SYK: variants seen among roughly 807,000 people sequenced by gnomAD.
SYK encodes the protein spleen associated tyrosine kinase, also known as tyrosine-protein kinase SYK.
Under a neutral mutation model 77.8 loss-of-function variants are expected in SYK, and 16 were observed. The observed-to-expected ratio is 0.21, with a 90% CI of 0.14 to 0.31. The LOEUF is 0.31. Among genes scored for constraint, SYK ranks in the 10% least tolerant of loss-of-function variants. SYK has a pLI of 1.00. For missense variants in SYK, 529 were observed against 814.4 expected, an observed-to-expected ratio of 0.65 and a Z score of 4.26; for synonymous variants, 312 against 308.7, an observed-to-expected ratio of 1.01 and a Z score of -0.11.
intron 1 of SYK, among the ~76,000 whole-genome samples, chr9:90,813,502 C>A (rs1825173478): frequency 6.6e-6 from 1 of 152,148 alleles, no homozygotes; most frequent in Non-Finnish European, 1.5e-5. Context: ...CAGACCAGGC[C>A]TCGGGGTCTA....
intron 3 of SYK, among the ~76,000 whole-genome samples, chr9:90,858,966 A>G (rs1827148080): frequency 6.6e-6 from 1 of 152,178 alleles, no homozygotes; most frequent in Non-Finnish European, 1.5e-5. Flanking sequence ...AGCCTCAAGG[A>G]AGTGAGGCCT....
chr9:90,844,853 A>G (rs1826523548), intron 2 of SYK, among the ~76,000 whole-genome samples: 1 of 152,252 alleles, frequency 6.6e-6, no homozygotes, highest in African/African-American at 2.4e-5. Context: ...GACCTATCGT[A>G]TACTACACTT....
intron 11 of SYK, among the ~76,000 whole-genome samples, chr9:90,884,607 A>G (rs1259018220): frequency 1.0e-4 from 5 of 49,898 alleles, no homozygotes; most frequent in African/African-American, 4.9e-4. Context: ...ACATGTACAT[A>G]TATACACATA....
At chr9:90,888,988 A>T (rs1424743384) in intron 13 of SYK, among the ~76,000 whole-genome samples, 1 of 152,100 alleles carries the variant, frequency 6.6e-6, no homozygotes, top group Admixed American at 6.5e-5. Context: ...TCGGTAGGGG[A>T]TGGTATACTT....
At chr9:90,843,763 G>T in intron 1 of SYK, 95 bp from the exon 2 acceptor site, 4 of 961,890 alleles carry the variant, frequency 4.2e-6, no homozygotes, top group Non-Finnish European at 5.7e-6. Context: ...AGATGGGAGG[G>T]TTTGTCTCCA....
At chr9:90,865,636 A>G (rs1827456487) in intron 6 of SYK, among the ~76,000 whole-genome samples, 1 of 152,140 alleles carries the variant, frequency 6.6e-6, no homozygotes, top group South Asian at 2.1e-4. Flanking sequence ...CTTCTTGTCT[A>G]GATGAAATTC....
intron 6 of SYK, among the ~76,000 whole-genome samples, chr9:90,866,145 C>T (rs1827485585): frequency 6.6e-6 from 1 of 152,134 alleles, no homozygotes; most frequent in South Asian, 2.1e-4. Context: ...GTGATCTGCC[C>T]GCCTCGGCCT....
rs748720673 is a variant in SYK, at chr9:90,877,758, A to C, written c.1369A>C (p.Asn457His). 3 of 1,614,184 alleles carry C rather than the reference A, an allele frequency of 1.9e-6. No individual in the cohort carries two copies. In the South Asian group the frequency reaches 3.3e-5, roughly 18 times the overall value. The change falls in exon 10 of 14, where the codon AAT becomes CAT. Residue 457 changes from asparagine to histidine, a missense_variant. Around this residue, in one of 2 missense-constraint regions of SYK, gnomAD observed 208 missense variants for 381.3 expected, o/e 0.55. Transcript: ENST00000375754. The stretch of plus-strand genomic sequence containing the variant: ...GGAGATGGCAGAACTTGGTCCCCTC[A>C]ATAAGTATTTGCAGCAGAACAGGTA... ...VMEMAELGPLNKYLQQNRHVK... is the reference protein window; with the variant it reads ...VMEMAELGPLHKYLQQNRHVK...
chr9:90,852,457 T>C (rs1826855946), intron 3 of SYK, among the ~76,000 whole-genome samples: 1 of 152,230 alleles, frequency 6.6e-6, no homozygotes, highest in Non-Finnish European at 1.5e-5. Context: ...TCATTTCATC[T>C]TATAAATGAT....
intron 2 of SYK, among the ~76,000 whole-genome samples, chr9:90,844,731 C>T (rs578062204): frequency 2.6e-5 from 4 of 152,318 alleles, no homozygotes; most frequent in South Asian, 4.1e-4. Context: ...TTGCATCACC[C>T]GTTCTTTGGC....
rs1829005325 is a variant in SYK at position 90,896,799 on chromosome 9, G to A, written c.*1199G>A. 4.6e-6 allele frequency: 1 copy of A among 218,836 alleles called. No homozygotes were observed. The highest frequency in any genetic ancestry group is 9.2e-6 in the Non-Finnish European group (1 of 109,032). The allele number at this position is 218,836 out of a possible 1,614,324, so 13.6% of individuals were successfully genotyped here. On this transcript the variant is annotated 3_prime_UTR_variant, in exon 14 of 14. Coordinates refer to ENST00000375754, the MANE Select transcript of SYK (RefSeq NM_003177.7). ...CTCAGCACTTTAGGAGGCCGAGGCG[G>A]GTGGATCACTTGAGGTAAGGAGTTT...
intron 1 of SYK, among the ~76,000 whole-genome samples, chr9:90,831,956 CGT>C (rs1371320652): frequency 6.6e-6 from 1 of 152,146 alleles, no homozygotes; most frequent in African/African-American, 2.4e-5. Context: ...AGAGAAAATA[CGT>C]GTGTTAGGGA....
chr9:90,890,292 G>C (rs1828737875), intron 13 of SYK, among the ~76,000 whole-genome samples: 1 of 152,142 alleles, frequency 6.6e-6, no homozygotes, highest in Admixed American at 6.5e-5. Flanking sequence ...ATCAGGATAG[G>C]GGCTGCTGGG....
At chr9:90,871,282 A>T (rs1047589404) in intron 7 of SYK, among the ~76,000 whole-genome samples, 2 of 152,210 alleles carry the variant, frequency 1.3e-5, no homozygotes, top group Non-Finnish European at 2.9e-5. Context: ...AAGAAAGTGG[A>T]ATGGTCAACA....
intron 1 of SYK, among the ~76,000 whole-genome samples, chr9:90,802,252 C>A (rs1458666513): frequency 1.3e-5 from 2 of 152,176 alleles, no homozygotes; most frequent in Non-Finnish European, 2.9e-5. Context: ...TCAGGCACAG[C>A]GCGAGGAAGT....
At chr9:90,890,064 T>G (rs1388709841) in intron 13 of SYK, among the ~76,000 whole-genome samples, 10 of 152,224 alleles carry the variant, frequency 6.6e-5, no homozygotes, top group Non-Finnish European at 1.3e-4. Flanking sequence ...AAAAATGAAC[T>G]CGCAGTGGGG....
chr9:90,837,136 A>G (rs1401014019), intron 1 of SYK, among the ~76,000 whole-genome samples: 2 of 152,140 alleles, frequency 1.3e-5, no homozygotes, highest in Admixed American at 6.5e-5. Flanking sequence ...GTCAAAAGTT[A>G]CACATGAATT....
At chr9:90,865,360 T>G (rs1437081704) in intron 6 of SYK, among the ~76,000 whole-genome samples, 1 of 151,820 alleles carries the variant, frequency 6.6e-6, no homozygotes, top group Admixed American at 6.6e-5. Context: ...CTGACTGGAG[T>G]GCACTGGTGC....
At chr9:90,845,675 G>C in intron 3 of SYK, 81 bp downstream of exon 3, 1 of 1,524,018 alleles carries the variant, frequency 6.6e-7, no homozygotes, top group Non-Finnish European at 8.9e-7. Context: ...CCTTGTGACT[G>C]GCCCCACATG....
Sources: gnomAD v4.1 joint callset for allele counts (sites outside exome capture counted in the v4.1 genomes callset) on GRCh38, gnomAD v4.1.1 for gene constraint, gnomAD v4.1.1 regional missense constraint, MANE v1.5 for transcripts, NCBI Gene and HGNC (gene_info 2026-07-23, HGNC 2026-07-21) for gene names.